SETDB1: variants seen among roughly 807,000 people sequenced by gnomAD.
SETDB1 encodes the protein histone-lysine N-methyltransferase SETDB1.
In SETDB1, 31 loss-of-function variants were observed where a neutral mutation model predicts 137.4. That is an observed-to-expected ratio of 0.23 (90% CI 0.17 to 0.30). SETDB1 has a LOEUF of 0.30. Among genes scored for constraint, SETDB1 ranks in the 10% least tolerant of loss-of-function variants. The probability of loss-of-function intolerance (pLI) is 1.00; values close to 1 mark genes in which losing one functional copy is unlikely to be tolerated. For synonymous variants in SETDB1, 548 were observed against 579.9 expected (o/e 0.95, Z 0.79); for missense variants, 1,113 against 1,631.5 (o/e 0.68, Z 5.47).
At chr1:150,927,599 A>G (rs1292798870) in intron 1 of SETDB1, 105 bp from the exon 2 acceptor site, 1 of 977,702 alleles carries the variant, frequency 1.0e-6, no homozygotes. Flanking sequence ...TGAATAGAAT[A>G]ACAGGCAGCA....
chr1:150,953,910 A>G lies in SETDB1; in HGVS notation c.2333+2429A>G, dbSNP rs75650810. Among the ~76,000 whole-genome samples the G allele has an allele frequency of 9.1e-3, 1,379 of 150,818 alleles. 43 individuals are homozygous for G. In the East Asian group the frequency reaches 0.1, roughly 11 times the overall value. Reference sequence around the variant, plus strand: ...TGCTCTGTCGCCCAGGCTGGAGTGCAGTGGCGTGATCTCAGCTCACTGCAA... The same window carrying G: ...TGCTCTGTCGCCCAGGCTGGAGTGCGGTGGCGTGATCTCAGCTCACTGCAA... On this transcript the variant is annotated intron_variant, in intron 14 of 21. Coordinates refer to ENST00000692827, the MANE Select transcript of SETDB1 (RefSeq NM_001366418.1).
intron 20 of SETDB1, 103 bp from the exon 21 acceptor site, chr1:150,963,892 G>A: frequency 7.8e-7 from 1 of 1,282,852 alleles, no homozygotes; most frequent in Middle Eastern, 1.8e-4. Context: ...CTATTATAAT[G>A]GGGAGGGTCA....
chr1:150,960,021 C>T (rs940819435), intron 15 of SETDB1, among the ~76,000 whole-genome samples: 1 of 150,946 alleles, frequency 6.6e-6, no homozygotes, highest in African/African-American at 2.4e-5. Flanking sequence ...TGCAGTGAGC[C>T]GAGATCATGC....
chr1:150,964,156 C>T, intron 21 of SETDB1, 73 bp downstream of exon 21: 1 of 1,521,074 alleles, frequency 6.6e-7, no homozygotes, highest in Non-Finnish European at 9.1e-7. Context: ...CTCCTCCATT[C>T]ATGATCCAAC....
rs1278212598 is a variant in SETDB1, at chr1:150,941,364, T to G, written c.483T>G (p.Ala161=). ...REAMAALRKS[A]QDVQKFMDAV... is the part of the protein sequence containing the mutation. ...CTATGGCTGCCTTAAGAAAGTCAGC[T>G]CAAGATGTTCAGAAGTTCATGGATG... Residue 161 remains alanine, a synonymous_variant, in exon 5 of 22, where the codon GCT becomes GCG. Coordinates refer to ENST00000692827, the MANE Select transcript of SETDB1 (RefSeq NM_001366418.1). The G allele has an allele frequency of 6.2e-7, 1 of 1,613,784 alleles. No individual in the cohort carries two copies. Among genetic ancestry groups the G allele is most frequent in the South Asian group, 1.1e-5 (1 of 91,066 alleles).
chr1:150,962,279 C>A, intron 17 of SETDB1, 121 bp downstream of exon 17: 2 of 892,460 alleles, frequency 2.2e-6, no homozygotes, highest in Non-Finnish European at 3.7e-6. Flanking sequence ...AGAGATTCTC[C>A]CACCTCAGCC....
intron 3 of SETDB1, among the ~76,000 whole-genome samples, chr1:150,935,959 T>C (rs1234036748): frequency 1.3e-5 from 2 of 152,164 alleles, no homozygotes; most frequent in African/African-American, 4.8e-5. Flanking sequence ...AGTTTTAATT[T>C]ATTTTCCTGA....
intron 3 of SETDB1, chr1:150,930,519 C>CTT (rs61548246): frequency 0.17 from 11,175 of 65,876 alleles, 4,887 homozygotes; most frequent in Non-Finnish European, 0.18. Flanking sequence ...TTAGGATTTT[C>CTT]TTTTTTTTTT....
rs144858437 is a variant in SETDB1 at position 150,951,377 on chromosome 1, C to T, written c.2229C>T (p.Ala743=). Residue 743 remains alanine, a synonymous_variant, in exon 14 of 22, where the codon GCC becomes GCT. Transcript: ENST00000692827. ...KDGCRDKSKC[A]CHQLTIQATA... ...CTCTGTCATATAGGTCCAAGTGTGC[C>T]TGCCATCAACTAACTATCCAGGCTA... The T allele has an allele frequency of 1.1e-5, 17 of 1,611,156 alleles. 1 individual carries two copies. In the African/African-American group the frequency reaches 2.1e-4, roughly 20 times the overall value.
At chr1:150,954,364 T>C (rs866126977) in intron 14 of SETDB1, among the ~76,000 whole-genome samples, 1 of 152,118 alleles carries the variant, frequency 6.6e-6, no homozygotes, top group Non-Finnish European at 1.5e-5. Flanking sequence ...GGGTATAGCA[T>C]GGTAAACTGG....
intron 9 of SETDB1, 49 bp downstream of exon 9, chr1:150,945,157 A>C (rs763412904): frequency 9.3e-6 from 15 of 1,610,046 alleles, no homozygotes; most frequent in East Asian, 2.2e-5. Flanking sequence ...TGGGGGGGGA[A>C]CTTAAGAAGC....
intron 3 of SETDB1, among the ~76,000 whole-genome samples, chr1:150,930,801 G>A (rs1303957491): frequency 6.6e-6 from 1 of 152,066 alleles, no homozygotes; most frequent in African/African-American, 2.4e-5. Context: ...CTCCCAAAGT[G>A]CTGGGATTAC....
chr1:150,946,824 A>C, intron 9 of SETDB1, 62 bp from the exon 10 acceptor site: 1 of 1,584,090 alleles, frequency 6.3e-7, no homozygotes, highest in Non-Finnish European at 8.7e-7. Flanking sequence ...TCCTCTACAC[A>C]GGACAGGATA....
chr1:150,963,802 A>G, intron 20 of SETDB1, 61 bp downstream of exon 20: 1 of 1,515,292 alleles, frequency 6.6e-7, no homozygotes, highest in South Asian at 1.1e-5. Context: ...GATTTCTTTT[A>G]ACATACTCTA....
At chr1:150,931,399 C>G (rs1056609937) in intron 3 of SETDB1, among the ~76,000 whole-genome samples, 1 of 150,830 alleles carries the variant, frequency 6.6e-6, no homozygotes, top group African/African-American at 2.4e-5. Flanking sequence ...TCCTGGCTAA[C>G]ACGGTGAAAC....
chr1:150,964,634 G>A lies in SETDB1; in HGVS notation c.*270G>A, dbSNP rs1670934765. On this transcript the variant is annotated 3_prime_UTR_variant, in exon 22 of 22. Transcript: ENST00000692827. ...CCTCCCATCCCATATTTGTCCAAGT[G>A]TTCCTGCTTCTAACAGACTTTGTTC... The A allele has an allele frequency of 1.6e-6, 1 of 626,210 alleles. No homozygotes were observed. The highest frequency in any genetic ancestry group is 2.7e-5 in the East Asian group (1 of 36,530). The allele number at this position is 626,210 out of a possible 1,614,324, so 38.8% of individuals were successfully genotyped here.
chr1:150,960,864 G>A lies in SETDB1; in HGVS notation c.2805G>A (p.Gln935=). ...SYATRRQTRG[Q]KENGLSETTS... is the part of the protein sequence containing the mutation. ...CTACCCGGAGGCAGACCCGGGGCCA[G>A]AAAGAGAACGGACTCTCTGAGACAA... is the stretch of plus-strand genomic sequence containing the variant. Residue 935 remains glutamine, a synonymous_variant, in exon 16 of 22, where the codon CAG becomes CAA. Transcript: ENST00000692827. 6.2e-7 allele frequency: 1 copy of A among 1,607,728 alleles called. No homozygotes were observed. Among genetic ancestry groups the A allele is most frequent in the African/African-American group, 1.3e-5 (1 of 74,902 alleles).
Position 150,961,021 on chromosome 1 carries a change from T to G in SETDB1, c.2962T>G (p.Cys988Gly). ...PKNKVASWLSCNSVSEGGFAD... is the reference protein window; with the variant it reads ...PKNKVASWLSGNSVSEGGFAD... ...GAACAAGGTGGCCTCATGGTTGAGC[T>G]GCAATAGTGTCAGTGAAGGTGGTTT... Residue 988 changes from cysteine to glycine, a missense_variant, in exon 16 of 22, where the codon TGC (cysteine) becomes GGC (glycine). Around this residue, in one of 11 missense-constraint regions of SETDB1, gnomAD observed 373 missense variants for 412.7 expected, o/e 0.90. Coordinates refer to ENST00000692827, the MANE Select transcript of SETDB1 (RefSeq NM_001366418.1). 5 of 1,613,894 alleles carry G rather than the reference T, an allele frequency of 3.1e-6. No individual in the cohort carries two copies. The highest frequency in any genetic ancestry group is 4.2e-6 in the Non-Finnish European group (5 of 1,179,992).
In SETDB1 at chr1:150,949,359, T is replaced by C; in HGVS notation, c.1425-8T>C. 1 of 1,614,022 alleles carries C rather than the reference T, an allele frequency of 6.2e-7. No individual in the cohort carries two copies. The highest frequency in any genetic ancestry group is 8.5e-7 in the Non-Finnish European group (1 of 1,179,990). ...CCTTACTATATGCCCTCTTCTCTAA[T>C]CTCCTAGAAGCTTGGAAAGCCAGCT... is the stretch of plus-strand genomic sequence containing the variant. On this transcript the variant is annotated splice_region_variant and splice_polypyrimidine_tract_variant and intron_variant, in intron 11 of 21. Transcript: ENST00000692827.
Sources: gnomAD v4.1 joint callset for allele counts (sites outside exome capture counted in the v4.1 genomes callset) on GRCh38, gnomAD v4.1.1 for gene constraint, gnomAD v4.1.1 regional missense constraint, MANE v1.5 for transcripts, NCBI Gene and HGNC (gene_info 2026-07-23, HGNC 2026-07-21) for gene names.